Variants in ADPRHL1 observed in about 807,000 individuals in gnomAD.
ADPRHL1 encodes the protein ADP-ribosylhydrolase like 1.
In ADPRHL1, 43 loss-of-function variants were observed where a neutral mutation model predicts 44.1. The ratio of observed to expected loss-of-function variants is 0.98; its 90% CI spans 0.76 to 1.26. The LOEUF is 1.26. Ranked by LOEUF, ADPRHL1 falls within the 50% of genes most tolerant of loss-of-function variation. The pLI, the probability that ADPRHL1 is intolerant of heterozygous loss-of-function variation, is 0.00. For missense variants in ADPRHL1, 2,022 were observed against 2,496.9 expected, an observed-to-expected ratio of 0.81 and a Z score of 4.05; for synonymous variants, 878 against 1,017.4, an observed-to-expected ratio of 0.86 and a Z score of 2.61.
intron 2 of ADPRHL1, among the ~76,000 whole-genome samples, chr13:113,437,275 C>T (rs1006553098): frequency 4.7e-5 from 7 of 149,404 alleles, no homozygotes; most frequent in East Asian, 4.1e-4. Flanking sequence ...AGGTGTACCC[C>T]GGGACCCAGC....
intron 7 of ADPRHL1, chr13:113,410,126 C>T: frequency 1.0e-6 from 1 of 985,390 alleles, no homozygotes; most frequent in Non-Finnish European, 1.2e-6. Flanking sequence ...CGCGATGACC[C>T]AGGGCCAGGA....
Position 113,407,440 on chromosome 13 carries a change from C to T in ADPRHL1, c.1842G>A (p.Thr614=), listed in dbSNP as rs548639724. ...TGCTGAGGGCCGGCAGGGGCTCAGCCGTGCAGGCCAGAAAGCGGGCAGGGG... is the reference window on the plus strand; with the variant it reads ...TGCTGAGGGCCGGCAGGGGCTCAGCTGTGCAGGCCAGAAAGCGGGCAGGGG... The part of the protein sequence containing the change: ...KMPPARFLAC[T]AEPLPALSIA... The change falls in exon 8 of 8, where the codon ACG becomes ACA. Residue 614 remains threonine (T), a synonymous_variant. Coordinates refer to ENST00000612156, the MANE Select transcript of ADPRHL1 (RefSeq NM_001394807.1). 3.7e-5 allele frequency: 45 copies of T among 1,231,970 alleles called. No individual in the cohort carries two copies. Among genetic ancestry groups the T allele is most frequent in the African/African-American group, 1.7e-4 (11 of 64,554 alleles). 76.3% of individuals were successfully genotyped at this position (1,231,970 alleles called of 1,614,324 possible). A position where few individuals can be genotyped will look rare whatever the true frequency, so the allele number is the denominator to read the frequency against.
In ADPRHL1 at chr13:113,401,080, T is replaced by C. The variant is rs2139584995; in HGVS notation, c.*2298A>G. On this transcript the variant is annotated 3_prime_UTR_variant, in exon 8 of 8. Coordinates refer to ENST00000612156, the MANE Select transcript of ADPRHL1 (RefSeq NM_001394807.1). This position sits in a 1 kb window ranked among gnomAD's most constrained non-coding sequence, Gnocchi z 5.5. ...GCCACTCATTGCCTCCAATTCCAAA[T>C]AGGTAAAGAGTGAGGGCCGTGCCGC... 6.6e-6 allele frequency: 1 copy of C among 152,178 alleles called. No homozygotes were observed. Among genetic ancestry groups the C allele is most frequent in the Admixed American group, 6.5e-5 (1 of 15,286 alleles). The allele number at this position is 152,178 out of a possible 1,614,324, so 9.4% of individuals were successfully genotyped here.
At chr13:113,431,975 C>A (rs1050393617) in intron 3 of ADPRHL1, among the ~76,000 whole-genome samples, 2 of 152,208 alleles carry the variant, frequency 1.3e-5, no homozygotes, top group African/African-American at 4.8e-5. Flanking sequence ...CCTTGGCACC[C>A]CCAAAGTGCT....
intron 1 of ADPRHL1, among the ~76,000 whole-genome samples, chr13:113,445,759 T>G (rs1234652348): frequency 6.6e-6 from 1 of 152,050 alleles, no homozygotes; most frequent in Non-Finnish European, 1.5e-5. Flanking sequence ...TGTCCTAGCA[T>G]GGATGGGTTG....
At chr13:113,452,283 A>G (rs1046159331) in intron 1 of ADPRHL1, among the ~76,000 whole-genome samples, 2 of 152,182 alleles carry the variant, frequency 1.3e-5, no homozygotes, top group Non-Finnish European at 2.9e-5. Context: ...GCAAGCCGGG[A>G]GCCTTATCTT....
intron 1 of ADPRHL1, among the ~76,000 whole-genome samples, chr13:113,449,503 A>T (rs1294736785): frequency 6.8e-6 from 1 of 146,314 alleles, no homozygotes; most frequent in East Asian, 2.1e-4. Flanking sequence ...GCTCACCCAG[A>T]AGGAGACAGC....
intron 4 of ADPRHL1, among the ~76,000 whole-genome samples, chr13:113,428,177 G>C (rs1466088329): frequency 2.7e-5 from 4 of 150,690 alleles, no homozygotes; most frequent in Non-Finnish European, 5.9e-5. Flanking sequence ...CTGGGAGGCA[G>C]AGGTTGCAGT....
At chr13:113,421,254 CAGGGA>C (rs2043919054) in intron 7 of ADPRHL1, among the ~76,000 whole-genome samples, 5 of 55,368 alleles carry the variant, frequency 9.0e-5, no homozygotes, top group South Asian at 8.7e-4. Flanking sequence ...ACGCCCACCC[CAGGGA>C]CACGCCCACC....
At position 113,403,645 on chromosome 13, in the gene ADPRHL1, C is replaced by T; in HGVS notation, c.5637G>A (p.Leu1879=). Residue 1879 remains leucine, a synonymous_variant, in exon 8 of 8, where the codon CTG becomes CTA. Coordinates refer to ENST00000612156, the MANE Select transcript of ADPRHL1 (RefSeq NM_001394807.1). ...LRGKSIATSP[L]GLGKSPTEPK... The stretch of plus-strand genomic sequence containing the variant: ...GCTCAGTTGGGCTCTTTCCCAGCCC[C>T]AGGGGAGAGGTGGCAATGCTCTTGC... 1 of 1,231,760 alleles carries T rather than the reference C, an allele frequency of 8.1e-7. No individual in the cohort carries two copies. The highest frequency in any genetic ancestry group is 1.0e-6 in the Non-Finnish European group (1 of 988,046). 76.3% of individuals were successfully genotyped at this position (1,231,760 alleles called of 1,614,324 possible). A position where few individuals can be genotyped will look rare whatever the true frequency, so the allele number is the denominator to read the frequency against.
At chr13:113,446,082 C>G (rs1210314731) in intron 1 of ADPRHL1, among the ~76,000 whole-genome samples, 3 of 147,446 alleles carry the variant, frequency 2.0e-5, no homozygotes, top group Non-Finnish European at 4.5e-5. Context: ...ACCTCCTCAC[C>G]TCCTACCACA....
chr13:113,410,735 A>C (rs2043846537), intron 7 of ADPRHL1, among the ~76,000 whole-genome samples: 1 of 152,026 alleles, frequency 6.6e-6, no homozygotes, highest in Non-Finnish European at 1.5e-5. Flanking sequence ...GCGCACCCTC[A>C]ACTGCGCCGT....
In ADPRHL1 at chr13:113,407,511, G is replaced by A. The variant is rs892920451; in HGVS notation, c.1771C>T (p.Arg591Cys). The A allele has an allele frequency of 6.5e-5, 80 of 1,232,042 alleles. No individual in the cohort carries two copies. In the African/African-American group the frequency reaches 7.0e-4, roughly 11 times the overall value. 76.3% of individuals were successfully genotyped at this position (1,232,042 alleles called of 1,614,324 possible). ...GCCATGGTGGCCGTGTGCAGCACGCGCACCTCCGGCCGGTGCATCCTCTTC... is the reference window on the plus strand; with the variant it reads ...GCCATGGTGGCCGTGTGCAGCACGCACACCTCCGGCCGGTGCATCCTCTTC... ...QRKRMHRPEV[R>C]VLHTATMAST... Residue 591 changes from arginine (R) to cysteine (C), a missense_variant, in exon 8 of 8, where the codon CGC becomes TGC. By Grantham distance (180) the Arg-to-Cys change is radical. Coordinates refer to ENST00000612156, the MANE Select transcript of ADPRHL1 (RefSeq NM_001394807.1).
At chr13:113,437,413 C>A (rs1433266860) in intron 2 of ADPRHL1, among the ~76,000 whole-genome samples, 4 of 152,148 alleles carry the variant, frequency 2.6e-5, no homozygotes, top group African/African-American at 9.7e-5. Context: ...GGACCCAGCA[C>A]CCAGGTGCAG....
chr13:113,447,222 C>T (rs369979462), intron 1 of ADPRHL1, among the ~76,000 whole-genome samples: 23 of 103,428 alleles, frequency 2.2e-4, no homozygotes, highest in South Asian at 1.1e-3. Flanking sequence ...GGCGTCTACA[C>T]GCACGGTGTT....
chr13:113,412,605 C>A (rs1253131131), intron 7 of ADPRHL1, among the ~76,000 whole-genome samples: 1 of 152,250 alleles, frequency 6.6e-6, no homozygotes, highest in African/African-American at 2.4e-5. Flanking sequence ...TCTACTTTCC[C>A]GAGTCCAGAG....
At chr13:113,432,835 G>C (rs531682980) in intron 3 of ADPRHL1, among the ~76,000 whole-genome samples, 1 of 152,226 alleles carries the variant, frequency 6.6e-6, no homozygotes, top group African/African-American at 2.4e-5. Flanking sequence ...CGTGGGACTG[G>C]GCGGTGCCAG....
intron 3 of ADPRHL1, among the ~76,000 whole-genome samples, chr13:113,431,459 A>G (rs570152561): frequency 6.6e-6 from 1 of 152,202 alleles, no homozygotes; most frequent in Non-Finnish European, 1.5e-5. Flanking sequence ...AATGGTTCTC[A>G]AGCCCAGGGC....
Position 113,449,476 on chromosome 13 carries a change from C to G in ADPRHL1, c.214+3748G>C, listed in dbSNP as rs55663943. 6.2e-3 allele frequency among the ~76,000 whole-genome samples: 916 copies of G among 147,230 alleles called. 10 individuals carry two copies. The highest frequency in any genetic ancestry group is 0.022 in the African/African-American group (882 of 39,576). ...TCAGAGAGACACACCCGGAAGGAGG[C>G]AGCCCGGTTCAGAGAGGCTCACCCA... On this transcript the variant is annotated intron_variant, in intron 1 of 7. Coordinates refer to ENST00000612156, the MANE Select transcript of ADPRHL1 (RefSeq NM_001394807.1).
Sources: allele counts gnomAD v4.1 joint callset (sites outside exome capture counted in the v4.1 genomes callset), GRCh38; gene constraint gnomAD v4.1.1; non-coding constraint Gnocchi (gnomAD v3.1); transcripts MANE v1.5; gene names NCBI Gene and HGNC (gene_info 2026-07-23, HGNC 2026-07-21).